The following CELF4 variants were observed in gnomAD, a reference collection of about 807,000 sequenced individuals.
The protein encoded by CELF4 is CUG-BP- and ETR-3-like factor 4.
In CELF4, 18 loss-of-function variants were observed where a neutral mutation model predicts 59.9. That is an observed-to-expected ratio of 0.30 (90% confidence interval 0.21 to 0.45). CELF4 has a LOEUF of 0.45. Ranked by LOEUF, CELF4 falls within the 20% of genes least tolerant of loss-of-function variation. The pLI, the probability that CELF4 is intolerant of heterozygous loss-of-function variation, is 1.00. For synonymous variants in CELF4, 261 were observed against 267.1 expected (o/e 0.98, Z 0.22); for missense variants, 456 against 689.0 (o/e 0.66, Z 3.79).
chr18:37,529,914 G>T (rs889093506), intron 1 of CELF4, among the ~76,000 whole-genome samples: 2 of 152,160 alleles, frequency 1.3e-5, no homozygotes, highest in Non-Finnish European at 2.9e-5. Context: ...CTGCAAGTTT[G>T]GTCCTGAGGG....
intron 2 of CELF4, among the ~76,000 whole-genome samples, chr18:37,431,098 G>A (rs1182943129): frequency 2.6e-5 from 4 of 152,162 alleles, no homozygotes; most frequent in Non-Finnish European, 5.9e-5. Context: ...TGAGCCAGAG[G>A]TGAGGATGGG....
At chr18:37,391,712 G>A (rs748109566) in intron 2 of CELF4, among the ~76,000 whole-genome samples, 2 of 152,154 alleles carry the variant, frequency 1.3e-5, no homozygotes, top group Non-Finnish European at 2.9e-5. Context: ...ATCCCCTCAG[G>A]GCCTTGCATA....
intron 2 of CELF4, among the ~76,000 whole-genome samples, chr18:37,395,723 G>C (rs2099236459): frequency 6.6e-6 from 1 of 152,178 alleles, no homozygotes; most frequent in African/African-American, 2.4e-5. Context: ...GGTTGTTGGG[G>C]GCCAGCCTGG....
At chr18:37,400,605 T>C (rs893588003) in intron 2 of CELF4, among the ~76,000 whole-genome samples, 1 of 152,206 alleles carries the variant, frequency 6.6e-6, no homozygotes, top group Non-Finnish European at 1.5e-5. Flanking sequence ...GCACTTAAAA[T>C]ACATTCTCTT....
At chr18:37,323,632 C>T (rs922943688) in intron 2 of CELF4, among the ~76,000 whole-genome samples, 1 of 152,062 alleles carries the variant, frequency 6.6e-6, no homozygotes, top group Admixed American at 6.5e-5. Context: ...GAATGCCCCG[C>T]CCTCCTAGCC....
chr18:37,326,546 G>A (rs560348809), intron 2 of CELF4, among the ~76,000 whole-genome samples: 1 of 152,318 alleles, frequency 6.6e-6, no homozygotes, highest in South Asian at 2.1e-4. Context: ...GTGGCCTTCA[G>A]TTGGTGTCTT....
At chr18:37,267,706 C>T (rs952563015) in intron 8 of CELF4, among the ~76,000 whole-genome samples, 2 of 152,178 alleles carry the variant, frequency 1.3e-5, no homozygotes, top group South Asian at 2.1e-4. Flanking sequence ...CTCCTGAGCA[C>T]GTTTCCCTGA....
At position 37,516,345 on chromosome 18, in the gene CELF4, T is replaced by A. The variant is rs78761424; in HGVS notation, c.287-30738A>T. ...GTTAAGCATCGCTTCCTCCTGGAATTCCTTCTTGACTCCAAAATTCAAGTC... is the reference window on the plus strand; with the variant it reads ...GTTAAGCATCGCTTCCTCCTGGAATACCTTCTTGACTCCAAAATTCAAGTC... On this transcript the variant is annotated intron_variant, in intron 1 of 12. Transcript: ENST00000420428. Among the ~76,000 whole-genome samples the A allele has an allele frequency of 3.9e-3, 600 of 152,160 alleles. 2 individuals are homozygous for A. Among genetic ancestry groups the A allele is most frequent in the African/African-American group, 0.014 (581 of 41,506 alleles).
chr18:37,490,587 G>A (rs1397691924), intron 1 of CELF4, among the ~76,000 whole-genome samples: 1 of 152,064 alleles, frequency 6.6e-6, no homozygotes, highest in African/African-American at 2.4e-5. Flanking sequence ...TCTGAGCCGG[G>A]GCTGGCTGCT....
chr18:37,489,442 A>C (rs10468928), intron 1 of CELF4, among the ~76,000 whole-genome samples: 9,879 of 152,140 alleles, frequency 0.065, 826 homozygotes, highest in African/African-American at 0.2. Flanking sequence ...AGGGTGCCCA[A>C]GCCTCAGCCA....
At chr18:37,535,014 G>A (rs970726538) in intron 1 of CELF4, among the ~76,000 whole-genome samples, 11 of 152,292 alleles carry the variant, frequency 7.2e-5, no homozygotes, top group Non-Finnish European at 1.5e-4. Flanking sequence ...GCAGGCTGAC[G>A]GAAAGCTGTC....
At chr18:37,395,466 C>T (rs570103063) in intron 2 of CELF4, among the ~76,000 whole-genome samples, 1 of 152,312 alleles carries the variant, frequency 6.6e-6, no homozygotes, top group South Asian at 2.1e-4. Context: ...ATAGCAGGTG[C>T]TCACTGGAGA....
chr18:37,565,246 C>T, intron 1 of CELF4, 110 bp downstream of exon 1: 1 of 1,301,152 alleles, frequency 7.7e-7, no homozygotes, highest in Non-Finnish European at 1.0e-6. Context: ...ACCGCGCCCG[C>T]CCGAGGCTTC....
intron 3 of CELF4, among the ~76,000 whole-genome samples, chr18:37,297,634 C>T (rs779773266): frequency 1.4e-4 from 22 of 152,256 alleles, no homozygotes; most frequent in Non-Finnish European, 2.6e-4. Context: ...GACACCCACA[C>T]CCCTGTGAAG....
At chr18:37,320,422 C>T (rs1384768037) in intron 3 of CELF4, among the ~76,000 whole-genome samples, 3 of 152,132 alleles carry the variant, frequency 2.0e-5, no homozygotes, top group Non-Finnish European at 2.9e-5. Flanking sequence ...AAACCCTTTC[C>T]GGGCTGCTCC....
rs527522027 is a variant in CELF4, at chr18:37,553,445, C to T, written c.286+11911G>A. On this transcript the variant is annotated intron_variant, in intron 1 of 12. Coordinates refer to ENST00000420428, the MANE Select transcript of CELF4 (RefSeq NM_020180.4). ...TTTGGAGATTCCTTTGCAGAAGTTC[C>T]GGGACACAGCAGTTTGGAGTTGGAC... is the stretch of plus-strand genomic sequence containing the variant. Among the ~76,000 whole-genome samples the T allele has an allele frequency of 1.6e-4, 25 of 152,214 alleles. 1 individual carries two copies. In the East Asian group the frequency reaches 2.9e-3, roughly 18 times the overall value.
At chr18:37,346,047 G>T (rs1220119875) in intron 2 of CELF4, among the ~76,000 whole-genome samples, 3 of 152,194 alleles carry the variant, frequency 2.0e-5, no homozygotes, top group African/African-American at 7.2e-5. Flanking sequence ...CCCTCCTGGG[G>T]AGAACCGTGC....
intron 3 of CELF4, among the ~76,000 whole-genome samples, chr18:37,318,718 G>A (rs994109138): frequency 6.6e-6 from 1 of 151,670 alleles, no homozygotes; most frequent in Admixed American, 6.6e-5. Context: ...AGATATATGG[G>A]AGAAAGCCGA....
At chr18:37,449,126 C>T (rs1373329686) in intron 2 of CELF4, among the ~76,000 whole-genome samples, 1 of 152,208 alleles carries the variant, frequency 6.6e-6, no homozygotes, top group African/African-American at 2.4e-5. Flanking sequence ...CTGGTTGCCC[C>T]AGCTCAGTAG....
Sources: allele counts gnomAD v4.1 joint callset (sites outside exome capture counted in the v4.1 genomes callset), GRCh38; gene constraint gnomAD v4.1.1; transcripts MANE v1.5; gene names NCBI Gene and HGNC (gene_info 2026-07-23, HGNC 2026-07-21).